Variants in THSD7B observed in about 807,000 individuals in gnomAD.
THSD7B encodes thrombospondin type-1 domain-containing protein 7B.
A neutral mutation model predicts 213.6 loss-of-function variants in THSD7B; 138 were observed. The ratio of observed to expected loss-of-function variants is 0.65; its 90% CI spans 0.56 to 0.74. THSD7B has a LOEUF of 0.74. Ranked by LOEUF, THSD7B falls within the 30% of genes least tolerant of loss-of-function variation. The pLI is 0.00. For missense variants in THSD7B, 1,931 were observed against 1,991.5 expected, an observed-to-expected ratio of 0.97 and a Z score of 0.58; for synonymous variants, 742 against 687.0, an observed-to-expected ratio of 1.08 and a Z score of -1.25.
At chr2:137,532,930 C>T (rs1680426693) in intron 15 of THSD7B, among the ~76,000 whole-genome samples, 2 of 151,122 alleles carry the variant, frequency 1.3e-5, no homozygotes, top group South Asian at 4.2e-4. Context: ...TAGATATATA[C>T]ACATACCATA....
chr2:136,841,724 A>G (rs2104956029), intron 1 of THSD7B, among the ~76,000 whole-genome samples: 1 of 152,194 alleles, frequency 6.6e-6, no homozygotes, highest in South Asian at 2.1e-4. Context: ...TGCTGGGTGA[A>G]CTTCCTGGTG....
At chr2:137,588,560 T>G (rs16839133) in intron 17 of THSD7B, among the ~76,000 whole-genome samples, 32,681 of 151,574 alleles carry the variant, frequency 0.22, 3,683 homozygotes, top group Middle Eastern at 0.32. Context: ...TTAGCATTTA[T>G]ATTTCACACA....
At chr2:136,941,981 TC>T (rs1316800279) in intron 2 of THSD7B, among the ~76,000 whole-genome samples, 6 of 152,222 alleles carry the variant, frequency 3.9e-5, no homozygotes, top group African/African-American at 1.4e-4. Flanking sequence ...TGGTTTTAGG[TC>T]TAACATTTAA....
chr2:137,667,980 A>G, intron 27 of THSD7B, 119 bp downstream of exon 27: 4 of 658,702 alleles, frequency 6.1e-6, no homozygotes, highest in African/African-American at 1.9e-5. Flanking sequence ...CCAAAAATTA[A>G]CAGTAGAATG....
At chr2:136,966,712 C>G (rs1297057432) in intron 2 of THSD7B, among the ~76,000 whole-genome samples, 1 of 152,180 alleles carries the variant, frequency 6.6e-6, no homozygotes, top group Admixed American at 6.5e-5. Context: ...ATCATCCTCT[C>G]TTTTCCGTGT....
intron 16 of THSD7B, among the ~76,000 whole-genome samples, chr2:137,569,915 A>G (rs1336215086): frequency 2.6e-5 from 4 of 152,056 alleles, no homozygotes; most frequent in African/African-American, 7.2e-5. Flanking sequence ...TTCATTAACC[A>G]GAAGTCTTCC....
chr2:136,820,490 A>G (rs183339925), intron 1 of THSD7B, among the ~76,000 whole-genome samples: 59 of 152,332 alleles, frequency 3.9e-4, no homozygotes, highest in Admixed American at 1.6e-3. Context: ...TAAATTCAAC[A>G]TGAGGTTTAG....
In THSD7B at chr2:136,841,328, G is replaced by C. The variant is rs557552710; in HGVS notation, c.-35-40816G>C. ...AAATGAAAAAAGACCGGGCGCAGTG[G>C]CTCATGACGGTAATCCCAGCACTTT... On this transcript the variant is annotated intron_variant, in intron 1 of 27. Coordinates refer to ENST00000409968, the MANE Select transcript of THSD7B (RefSeq NM_001316349.2). Among the ~76,000 whole-genome samples, 16 of 152,170 alleles carry C rather than the reference G, an allele frequency of 1.1e-4. No individual in the cohort carries two copies. The East Asian group carries it at 3.1e-3, about 29-fold the overall frequency.
chr2:137,286,839 C>G (rs1219085545), intron 12 of THSD7B, among the ~76,000 whole-genome samples: 1 of 152,122 alleles, frequency 6.6e-6, no homozygotes, highest in East Asian at 1.9e-4. Flanking sequence ...CAACTGTAGC[C>G]TAGCCCAGGT....
At chr2:137,575,033 T>C (rs190944268) in intron 17 of THSD7B, among the ~76,000 whole-genome samples, 88 of 152,206 alleles carry the variant, frequency 5.8e-4, no homozygotes, top group Non-Finnish European at 1.1e-3. Context: ...AATTCACTAT[T>C]TGTTGGGTAT....
intron 2 of THSD7B, among the ~76,000 whole-genome samples, chr2:136,913,730 C>T (rs1471139144): frequency 6.6e-6 from 1 of 152,218 alleles, no homozygotes; most frequent in Non-Finnish European, 1.5e-5. Context: ...TGTGGGTACT[C>T]AGAAGTCAAG....
intron 17 of THSD7B, among the ~76,000 whole-genome samples, chr2:137,577,363 T>A (rs1391104598): frequency 6.6e-6 from 1 of 152,084 alleles, no homozygotes; most frequent in South Asian, 2.1e-4. Flanking sequence ...GCTCCTCAAG[T>A]TTTTGATATT....
intron 2 of THSD7B, among the ~76,000 whole-genome samples, chr2:136,992,844 C>T (rs1011053319): frequency 3.3e-5 from 5 of 152,168 alleles, no homozygotes; most frequent in African/African-American, 9.7e-5. Flanking sequence ...CCCAAGACTA[C>T]GCATGGGTCA....
chr2:137,540,407 T>C (rs1349911166), intron 15 of THSD7B, among the ~76,000 whole-genome samples: 1 of 151,538 alleles, frequency 6.6e-6, no homozygotes, highest in Non-Finnish European at 1.5e-5. Context: ...AATTGAGAGA[T>C]TTCTCGCATT....
chr2:137,429,784 A>G (rs1687135249), intron 14 of THSD7B, among the ~76,000 whole-genome samples: 1 of 152,174 alleles, frequency 6.6e-6, no homozygotes, highest in African/African-American at 2.4e-5. Flanking sequence ...TAGGTTAGAA[A>G]TGTGGATTGG....
At chr2:136,773,590 C>T (rs1681548321) in intron 1 of THSD7B, among the ~76,000 whole-genome samples, 1 of 152,046 alleles carries the variant, frequency 6.6e-6, no homozygotes, top group African/African-American at 2.4e-5. Context: ...TGTATTACAT[C>T]TTTAAAACCC....
chr2:137,495,880 C>A (rs962485964), intron 15 of THSD7B, among the ~76,000 whole-genome samples: 1 of 152,084 alleles, frequency 6.6e-6, no homozygotes, highest in Non-Finnish European at 1.5e-5. Flanking sequence ...TCCAGTTCTA[C>A]CCCCCTGGCA....
At chr2:136,947,022 C>T (rs554032641) in intron 2 of THSD7B, among the ~76,000 whole-genome samples, 1 of 152,196 alleles carries the variant, frequency 6.6e-6, no homozygotes, top group African/African-American at 2.4e-5. Context: ...TGAGATGAAC[C>T]AGTTACCTCA....
intron 2 of THSD7B, among the ~76,000 whole-genome samples, chr2:136,971,586 A>T (rs1685404452): frequency 6.6e-6 from 1 of 151,596 alleles, no homozygotes; most frequent in African/African-American, 2.4e-5. Flanking sequence ...ACTGAAAAAA[A>T]CTTACATAGA....
Sources: allele counts gnomAD v4.1 joint callset (sites outside exome capture counted in the v4.1 genomes callset), GRCh38; gene constraint gnomAD v4.1.1; transcripts MANE v1.5; gene names NCBI Gene and HGNC (gene_info 2026-07-23, HGNC 2026-07-21).